The following PCDHA9 variants were observed in gnomAD, a reference collection of about 807,000 sequenced individuals.
PCDHA9 encodes the protein protocadherin alpha-9.
PCDHA9 carries 62 observed loss-of-function variants against 62.0 expected under a neutral mutation model. The ratio of observed to expected loss-of-function variants is 1.00; its 90% CI spans 0.81 to 1.23. The LOEUF is 1.23. PCDHA9 is among the 50% of genes most tolerant of loss of function. The pLI is 0.00. For synonymous variants in PCDHA9, 557 were observed against 567.6 expected (o/e 0.98, Z 0.27); for missense variants, 1,205 against 1,249.8 (o/e 0.96, Z 0.54).
At chr5:140,983,641 C>T (rs1030470329) in intron 3 of PCDHA9, among the ~76,000 whole-genome samples, 4 of 152,164 alleles carry the variant, frequency 2.6e-5, no homozygotes, top group Admixed American at 1.3e-4. Flanking sequence ...CCCAAGTTCA[C>T]GTAGCTTGTA....
intron 3 of PCDHA9, among the ~76,000 whole-genome samples, chr5:140,988,691 G>A (rs1205492528): frequency 6.6e-6 from 1 of 152,114 alleles, no homozygotes; most frequent in African/African-American, 2.4e-5. Context: ...TTCCCTAGAC[G>A]CTCTGTATTT....
At chr5:140,958,294 A>G (rs1324756311) in intron 1 of PCDHA9, among the ~76,000 whole-genome samples, 1 of 152,142 alleles carries the variant, frequency 6.6e-6, no homozygotes, top group African/African-American at 2.4e-5. Context: ...ATATTATTGA[A>G]CTTAATTAAA....
chr5:140,969,921 G>A (rs1417032241), intron 1 of PCDHA9, among the ~76,000 whole-genome samples: 2 of 152,198 alleles, frequency 1.3e-5, no homozygotes, highest in African/African-American at 2.4e-5. Flanking sequence ...TAAAGCTGTA[G>A]TATTTAGACA....
chr5:140,870,504 C>T (rs782464928), intron 1 of PCDHA9: 13 of 1,614,114 alleles, frequency 8.1e-6, no homozygotes, highest in Middle Eastern at 3.3e-4. Context: ...AGGAGAACAA[C>T]CCACCAGGCT....
At chr5:140,938,002 G>A (rs1396127552) in intron 1 of PCDHA9, among the ~76,000 whole-genome samples, 1 of 151,938 alleles carries the variant, frequency 6.6e-6, no homozygotes, top group Non-Finnish European at 1.5e-5. Context: ...TGTATCCAAT[G>A]TTCTTGCTAA....
At chr5:140,862,970 C>T (rs1554157323) in intron 1 of PCDHA9, 4 of 545,310 alleles carry the variant, frequency 7.3e-6, no homozygotes, top group South Asian at 5.5e-5. Context: ...GGATGCAGGC[C>T]ACTTGGTGGC....
chr5:140,928,821 C>T, intron 1 of PCDHA9: 2 of 1,614,142 alleles, frequency 1.2e-6, no homozygotes, highest in Non-Finnish European at 1.7e-6. Context: ...ACCATGGAGA[C>T]CCACCACTTT....
At chr5:140,981,186 T>G (rs1307228709) in intron 2 of PCDHA9, among the ~76,000 whole-genome samples, 1 of 152,234 alleles carries the variant, frequency 6.6e-6, no homozygotes, top group Non-Finnish European at 1.5e-5. Flanking sequence ...AGTTCAAGTT[T>G]GCCTGCTCTG....
intron 1 of PCDHA9, chr5:140,927,596 G>T: frequency 6.2e-7 from 1 of 1,614,162 alleles, no homozygotes; most frequent in Non-Finnish European, 8.5e-7. Context: ...GTATTTGAGC[G>T]CTCCGTATAC....
chr5:140,969,401 T>A, intron 1 of PCDHA9: 1 of 1,579,566 alleles, frequency 6.3e-7, no homozygotes, highest in Non-Finnish European at 8.6e-7. Flanking sequence ...ATCCTGTGAT[T>A]TGGCTTTATT....
intron 1 of PCDHA9, chr5:140,851,942 G>T: frequency 1.0e-6 from 1 of 967,952 alleles, no homozygotes; most frequent in Non-Finnish European, 1.2e-6. Flanking sequence ...TGTAGTATGT[G>T]ACTTTCAAAA....
intron 1 of PCDHA9, chr5:140,929,315 T>C: frequency 6.4e-7 from 1 of 1,559,382 alleles, no homozygotes; most frequent in African/African-American, 1.4e-5. Context: ...CACGCTAATG[T>C]CAATGCCATG....
intron 1 of PCDHA9, chr5:140,929,269 A>G (rs138062218): frequency 3.0e-5 from 49 of 1,611,106 alleles, no homozygotes; most frequent in African/African-American, 5.3e-5. Context: ...GAATTTGCCA[A>G]TATCCTGTAT....
chr5:140,856,236 TC>T (rs1554148438), intron 1 of PCDHA9: 2 of 1,597,912 alleles, frequency 1.3e-6, no homozygotes, highest in East Asian at 2.2e-5. Context: ...CAGCGCCTGT[TC>T]CGGGTGGCGT....
chr5:140,908,405 C>T (rs2073952752), intron 1 of PCDHA9, among the ~76,000 whole-genome samples: 1 of 152,150 alleles, frequency 6.6e-6, no homozygotes, highest in Non-Finnish European at 1.5e-5. Flanking sequence ...ATACCACTTC[C>T]ATTTGATGAT....
chr5:140,966,859 G>A, intron 1 of PCDHA9: 1 of 1,577,136 alleles, frequency 6.3e-7, no homozygotes. Flanking sequence ...TCCTGCTGCT[G>A]TTGCTGCTGC....
At chr5:140,967,479 C>T (rs782390272) in intron 1 of PCDHA9, 7 of 1,613,262 alleles carry the variant, frequency 4.3e-6, no homozygotes, top group East Asian at 2.2e-5. Context: ...CCAGCCCGCT[C>T]GGGTACGGCA....
Position 140,849,645 on chromosome 5 carries a change from C to A in PCDHA9, c.1150C>A (p.Gln384Lys). 1 of 1,598,746 alleles carries A rather than the reference C, an allele frequency of 6.3e-7. No homozygotes were observed. Among genetic ancestry groups the A allele is most frequent in the Non-Finnish European group, 8.6e-7 (1 of 1,168,004 alleles). Residue 384 changes from glutamine (Q) to lysine (K), a missense_variant, in exon 1 of 4, where the codon CAG (glutamine) becomes AAG (lysine). Gln to Lys is a moderately conservative substitution (Grantham distance 53). Around this residue, in one of 3 missense-constraint regions of PCDHA9, gnomAD observed 887 missense variants for 809.5 expected, o/e 1.10. Transcript: ENST00000532602. ...VIDLDADANG[Q>K]VTCSLTPHVP... ...CGACCTAGACGCAGATGCCAACGGG[C>A]AGGTTACCTGCTCCCTGACGCCCCA...
At chr5:140,882,072 T>G in intron 1 of PCDHA9, 4 of 861,576 alleles carry the variant, frequency 4.6e-6, no homozygotes, top group Non-Finnish European at 7.0e-6. Flanking sequence ...TTCATGCGCA[T>G]GGTGTCGCTC....
Sources: gnomAD v4.1 joint callset for allele counts (sites outside exome capture counted in the v4.1 genomes callset) on GRCh38, gnomAD v4.1.1 for gene constraint, gnomAD v4.1.1 regional missense constraint, MANE v1.5 for transcripts, NCBI Gene and HGNC (gene_info 2026-07-23, HGNC 2026-07-21) for gene names.